PALM2AKAP2: variants seen among roughly 807,000 people sequenced by gnomAD.
The protein encoded by PALM2AKAP2 is PALM2 and AKAP2 fusion, also known as PALM2-AKAP2 fusion protein.
In PALM2AKAP2, 37 loss-of-function variants were observed where a neutral mutation model predicts 71.5. The observed-to-expected ratio is 0.52, with a 90% CI of 0.40 to 0.68. The LOEUF (loss-of-function observed/expected upper bound fraction) is 0.68, where lower values mean the gene tolerates loss of function less well. Ranked by LOEUF, PALM2AKAP2 falls within the 30% of genes least tolerant of loss-of-function variation. The pLI is 0.00. For missense variants in PALM2AKAP2, 1,224 were observed against 1,191.8 expected (o/e 1.03, Z -0.40); for synonymous variants, 468 against 478.8 (o/e 0.98, Z 0.29).
At chr9:110,025,504 A>T (rs917516046) in intron 7 of PALM2AKAP2, 12 of 599,380 alleles carry the variant, frequency 2.0e-5, no homozygotes, top group Non-Finnish European at 3.5e-5. Flanking sequence ...GGATAGTCAC[A>T]TGTAAGCCTT....
At chr9:109,965,765 G>T (rs969142216) in intron 6 of PALM2AKAP2, among the ~76,000 whole-genome samples, 1 of 152,148 alleles carries the variant, frequency 6.6e-6, no homozygotes, top group Non-Finnish European at 1.5e-5. Flanking sequence ...AATGCCTCGT[G>T]CAGTACCTGG....
intron 6 of PALM2AKAP2, among the ~76,000 whole-genome samples, chr9:110,000,362 A>G (rs940707457): frequency 1.3e-5 from 2 of 152,140 alleles, no homozygotes; most frequent in Non-Finnish European, 2.9e-5. Context: ...TTATGGCTGT[A>G]TAGTATTCCA....
At chr9:109,850,191 G>A (rs1288630294) in intron 1 of PALM2AKAP2, among the ~76,000 whole-genome samples, 1 of 152,138 alleles carries the variant, frequency 6.6e-6, no homozygotes, top group African/African-American at 2.4e-5. Flanking sequence ...TGGAGGACTT[G>A]CTTAGGTCAT....
At chr9:109,732,800 A>G (rs1317246226) in intron 1 of PALM2AKAP2, among the ~76,000 whole-genome samples, 2 of 152,206 alleles carry the variant, frequency 1.3e-5, no homozygotes, top group African/African-American at 4.8e-5. Context: ...CTCCCTTTCA[A>G]GATGCTCAGA....
At chr9:109,821,358 A>G in intron 1 of PALM2AKAP2, among the ~76,000 whole-genome samples, 1 of 152,218 alleles carries the variant, frequency 6.6e-6, no homozygotes, top group South Asian at 2.1e-4. Flanking sequence ...CAACAACAAA[A>G]TAATAATAAT....
chr9:109,777,690 G>C (rs75285373), upstream of PALM2AKAP2, among the ~76,000 whole-genome samples: 1 of 152,072 alleles, frequency 6.6e-6, no homozygotes, highest in Non-Finnish European at 1.5e-5. Flanking sequence ...CCCTCCAATG[G>C]TCTCTTCTTC....
chr9:109,775,660 A>G (rs1476863245), upstream of PALM2AKAP2, among the ~76,000 whole-genome samples: 3 of 152,230 alleles, frequency 2.0e-5, no homozygotes, highest in Non-Finnish European at 2.9e-5. Flanking sequence ...TTTCAAAATT[A>G]CTTTTGTCCA....
intron 1 of PALM2AKAP2, among the ~76,000 whole-genome samples, chr9:109,685,158 G>C (rs534340259): frequency 2.0e-5 from 3 of 152,180 alleles, no homozygotes; most frequent in Non-Finnish European, 4.4e-5. Flanking sequence ...CATAGGAATG[G>C]AGTGCAAAGG....
chr9:109,936,106 C>T (rs766671536), intron 6 of PALM2AKAP2, among the ~76,000 whole-genome samples: 2 of 152,050 alleles, frequency 1.3e-5, no homozygotes, highest in Non-Finnish European at 1.5e-5. Context: ...TTTATTGATA[C>T]ATAATAATTG....
intron 1 of PALM2AKAP2, among the ~76,000 whole-genome samples, chr9:110,135,172 AAT>A (rs1554755286): frequency 3.3e-5 from 2 of 61,086 alleles, no homozygotes; most frequent in African/African-American, 6.1e-5. Flanking sequence ...AAAATATATA[AAT>A]ATATATATAT....
At chr9:109,968,493 A>G (rs1247702378) in intron 6 of PALM2AKAP2, among the ~76,000 whole-genome samples, 1 of 152,186 alleles carries the variant, frequency 6.6e-6, no homozygotes, top group African/African-American at 2.4e-5. Context: ...ACGTCTAGCT[A>G]TATCATCAAC....
intron 6 of PALM2AKAP2, among the ~76,000 whole-genome samples, chr9:109,955,858 A>T (rs1399609011): frequency 6.6e-6 from 1 of 151,928 alleles, no homozygotes; most frequent in Non-Finnish European, 1.5e-5. Flanking sequence ...AATCGCTTGA[A>T]TCTGGGAGGC....
intron 6 of PALM2AKAP2, among the ~76,000 whole-genome samples, chr9:110,004,410 G>T (rs1832739416): frequency 6.6e-6 from 1 of 152,184 alleles, no homozygotes; most frequent in South Asian, 2.1e-4. Flanking sequence ...CTGTTAGTCT[G>T]CTGGGCTTCC....
chr9:109,826,425 A>C (rs184719087), intron 1 of PALM2AKAP2, among the ~76,000 whole-genome samples: 2 of 152,274 alleles, frequency 1.3e-5, no homozygotes. Flanking sequence ...TATTGTTGCT[A>C]CTTGGGAAAA....
At chr9:110,123,219 A>G (rs970887343) in intron 1 of PALM2AKAP2, among the ~76,000 whole-genome samples, 13 of 152,238 alleles carry the variant, frequency 8.5e-5, no homozygotes, top group Admixed American at 2.0e-4. Context: ...ATGACAAGGT[A>G]TCACACATTG....
chr9:109,940,241 A>G (rs749414613), intron 6 of PALM2AKAP2, among the ~76,000 whole-genome samples: 19 of 152,200 alleles, frequency 1.2e-4, no homozygotes, highest in Non-Finnish European at 2.4e-4. Flanking sequence ...CTAAAAATCT[A>G]TGAAGCTGAT....
intron 7 of PALM2AKAP2, among the ~76,000 whole-genome samples, chr9:110,039,691 ATAG>A (rs935080954): frequency 8.6e-5 from 8 of 92,686 alleles, no homozygotes; most frequent in African/African-American, 3.3e-4. Context: ...GAAGTCAAAC[ATAG>A]TAGCAGCAGC....
chr9:109,893,026 A>G (rs1051691545), intron 3 of PALM2AKAP2, among the ~76,000 whole-genome samples: 3 of 152,158 alleles, frequency 2.0e-5, no homozygotes, highest in African/African-American at 7.2e-5. Context: ...TGAGATTAGC[A>G]TGGCATTCCA....
At chr9:109,697,704 C>CA (rs1036499776) in intron 1 of PALM2AKAP2, among the ~76,000 whole-genome samples, 22 of 152,102 alleles carry the variant, frequency 1.4e-4, no homozygotes, top group African/African-American at 5.1e-4. Flanking sequence ...CTAGAGGGTG[C>CA]AAAAAAACTA....
Sources: allele counts gnomAD v4.1 joint callset (sites outside exome capture counted in the v4.1 genomes callset), GRCh38; gene constraint gnomAD v4.1.1; transcripts MANE v1.5; gene names NCBI Gene and HGNC (gene_info 2026-07-23, HGNC 2026-07-21).